Variants in RBBP4 observed in about 807,000 individuals in gnomAD.
RBBP4 encodes the protein histone-binding protein RBBP4.
In RBBP4, 3 loss-of-function variants were observed where a neutral mutation model predicts 57.2. The observed-to-expected ratio is 0.05, with a 90% confidence interval of 0.02 to 0.14. The LOEUF (loss-of-function observed/expected upper bound fraction) is 0.14, where lower values mean the gene tolerates loss of function less well. Ranked by LOEUF, RBBP4 falls within the 10% of genes least tolerant of loss-of-function variation. The pLI is 1.00. For synonymous variants in RBBP4, 151 were observed against 171.5 expected, an observed-to-expected ratio of 0.88 and a Z score of 0.93; for missense variants, 107 against 520.6, an observed-to-expected ratio of 0.21 and a Z score of 7.73.
chr1:32,661,754 A>T (rs1648420007), intron 3 of RBBP4, among the ~76,000 whole-genome samples: 1 of 147,698 alleles, frequency 6.8e-6, no homozygotes, highest in Non-Finnish European at 1.5e-5. Flanking sequence ...TGTGAGAGGC[A>T]TCTATCTGTT....
At chr1:32,676,775 A>C (rs1175445056) in intron 11 of RBBP4, among the ~76,000 whole-genome samples, 1 of 151,972 alleles carries the variant, frequency 6.6e-6, no homozygotes, top group African/African-American at 2.4e-5. Context: ...AATCCCTTCA[A>C]TATTAATACA....
intron 3 of RBBP4, chr1:32,657,773 C>T: frequency 2.0e-6 from 1 of 509,868 alleles, no homozygotes; most frequent in Non-Finnish European, 3.2e-6. Context: ...TGTACCTTCA[C>T]AATAAACTTT....
rs373176493 is a variant in RBBP4, at chr1:32,668,220, C to T, written c.311-5C>T. 1 of 1,608,128 alleles carries T rather than the reference C, an allele frequency of 6.2e-7. No homozygotes were observed. The highest frequency in any genetic ancestry group is 8.5e-7 in the Non-Finnish European group (1 of 1,176,236). On this transcript the variant is annotated splice_polypyrimidine_tract_variant and splice_region_variant and intron_variant, in intron 3 of 11. Coordinates refer to ENST00000373493, the MANE Select transcript of RBBP4 (RefSeq NM_005610.3). Reference sequence around the variant, plus strand: ...TGTCCTCATTTGCAATTAATTTATTCACAGAATTTGGAGGTTTTGGTTCAG... The same window carrying T: ...TGTCCTCATTTGCAATTAATTTATTTACAGAATTTGGAGGTTTTGGTTCAG...
At chr1:32,651,554 C>T (rs1647655742) in intron 1 of RBBP4, 1 of 1,135,696 alleles carries the variant, frequency 8.8e-7, no homozygotes, top group South Asian at 2.5e-5. Flanking sequence ...GTGTTTGTTT[C>T]TCTTCCTGCC....
rs1649326327 is a variant in RBBP4, at chr1:32,680,064, A to C, written c.*359A>C. The C allele has an allele frequency of 9.3e-7, 1 of 1,076,444 alleles. No individual in the cohort carries two copies. Among genetic ancestry groups the C allele is most frequent in the Non-Finnish European group, 1.1e-6 (1 of 890,180 alleles). 66.7% of individuals were successfully genotyped at this position (1,076,444 alleles called of 1,614,324 possible). ...AGTGAGTAAGGAATAGAGCCAAATG[A>C]GGTAGGTGTCTGAGCCATGAAGTAT... On this transcript the variant is annotated 3_prime_UTR_variant, in exon 12 of 12. Coordinates refer to ENST00000373493, the MANE Select transcript of RBBP4 (RefSeq NM_005610.3).
chr1:32,663,996 G>T lies in RBBP4; in HGVS notation c.311-4229G>T, dbSNP rs1033653081. ...GGCTGGTATGCAGTGGCGCGATCTC[G>T]GCCCACTGCAAGCTCCGCCTCCTGG... is the stretch of plus-strand genomic sequence containing the variant. On this transcript the variant is annotated intron_variant, in intron 3 of 11. Transcript: ENST00000373493. Among the ~76,000 whole-genome samples the T allele has an allele frequency of 2.7e-5, 4 of 146,594 alleles. No individual in the cohort carries two copies. The South Asian group carries it at 8.7e-4, about 32-fold the overall frequency.
intron 3 of RBBP4, chr1:32,662,254 C>A: frequency 3.1e-6 from 1 of 317,964 alleles, no homozygotes; most frequent in Non-Finnish European, 6.7e-6. Flanking sequence ...AGGCTGAGTG[C>A]AGTGGTGCGA....
Position 32,681,929 on chromosome 1 carries a change from GA to G in RBBP4, c.*2226del. 7.2e-7 allele frequency: 1 copy of G among 1,396,392 alleles called. No homozygotes were observed. The highest frequency in any genetic ancestry group is 1.2e-5 in the South Asian group (1 of 86,152). 86.5% of individuals were successfully genotyped at this position (1,396,392 alleles called of 1,614,324 possible). A position where few individuals can be genotyped will look rare whatever the true frequency, so the allele number is the denominator to read the frequency against. On this transcript the variant is annotated 3_prime_UTR_variant, in exon 12 of 12. Transcript: ENST00000373493. ...GTTTAGTTACTGCAGGCTTTGTTGA[GA>G]AGAGATTGTTACAGTGTGATTTATG...
chr1:32,656,859 A>G (rs896881162), intron 2 of RBBP4, among the ~76,000 whole-genome samples: 3 of 152,180 alleles, frequency 2.0e-5, no homozygotes, highest in African/African-American at 7.2e-5. Context: ...TTTAGTAAGC[A>G]AAATTATTAG....
Position 32,651,285 on chromosome 1 carries a change from TC to T in RBBP4, c.-17del, listed in dbSNP as rs1417482918. On this transcript the variant is annotated 5_prime_UTR_variant, in exon 1 of 12. Coordinates refer to ENST00000373493, the MANE Select transcript of RBBP4 (RefSeq NM_005610.3). ...CTCCCGCAACGCTCGACCCCAGGAT[TC>T]CCCCGGCTCGCCTGCCCGCCATGGC... The T allele has an allele frequency of 6.7e-7, 1 of 1,485,832 alleles. No individual in the cohort carries two copies. The highest frequency in any genetic ancestry group is 8.9e-7 in the Non-Finnish European group (1 of 1,118,658). 92.0% of individuals were successfully genotyped at this position (1,485,832 alleles called of 1,614,324 possible). A position where few individuals can be genotyped will look rare whatever the true frequency, so the allele number is the denominator to read the frequency against.
Position 32,681,913 on chromosome 1 carries a change from C to T in RBBP4, c.*2208C>T. ...ACAGTGAACTTCTGAGGTTTAGTTA[C>T]TGCAGGCTTTGTTGAGAAGAGATTG... On this transcript the variant is annotated 3_prime_UTR_variant, in exon 12 of 12. Coordinates refer to ENST00000373493, the MANE Select transcript of RBBP4 (RefSeq NM_005610.3). 2 of 1,500,490 alleles carry T rather than the reference C, an allele frequency of 1.3e-6. No individual in the cohort carries two copies. Among genetic ancestry groups the T allele is most frequent in the Non-Finnish European group, 1.9e-6 (2 of 1,077,166 alleles). 92.9% of individuals were successfully genotyped at this position (1,500,490 alleles called of 1,614,324 possible).
At chr1:32,677,521 C>A (rs1340152153) in intron 11 of RBBP4, among the ~76,000 whole-genome samples, 1 of 151,260 alleles carries the variant, frequency 6.6e-6, no homozygotes, top group Non-Finnish European at 1.5e-5. Flanking sequence ...TAGTAAAAAG[C>A]TTTCTTGGGT....
chr1:32,655,408 G>A (rs1275081383), intron 2 of RBBP4, among the ~76,000 whole-genome samples: 2 of 152,112 alleles, frequency 1.3e-5, no homozygotes, highest in East Asian at 1.9e-4. Flanking sequence ...GAAAAACCAC[G>A]GTTGTAGTTC....
chr1:32,684,351 C>T lies in RBBP4; in HGVS notation c.*4646C>T, dbSNP rs767422094. Reference sequence around the variant, plus strand: ...GAGTTGCACCCCATTTCTTAACTGCCTCTGGCGTTCTTCCATTTCCTCCAG... The same window carrying T: ...GAGTTGCACCCCATTTCTTAACTGCTTCTGGCGTTCTTCCATTTCCTCCAG... On this transcript the variant is annotated 3_prime_UTR_variant, in exon 12 of 12. Transcript: ENST00000373493. 3 of 1,614,168 alleles carry T rather than the reference C, an allele frequency of 1.9e-6. No homozygotes were observed. The highest frequency in any genetic ancestry group is 2.5e-6 in the Non-Finnish European group (3 of 1,180,034).
intron 11 of RBBP4, 111 bp downstream of exon 11, chr1:32,673,012 GGT>G: frequency 1.1e-6 from 1 of 872,916 alleles, no homozygotes; most frequent in Non-Finnish European, 1.8e-6. Context: ...TTTACTCCCA[GGT>G]GTGATTTTAA....
At position 32,684,493 on chromosome 1, in the gene RBBP4, A is replaced by G; in HGVS notation, c.*4788A>G. On this transcript the variant is annotated 3_prime_UTR_variant, in exon 12 of 12. Transcript: ENST00000373493. ...TTCATTGTTTAATCTTGATAGCAGT[A>G]TTGAGGCTGGTATTTATATGATAGG... The G allele has an allele frequency of 2.0e-6, 3 of 1,473,142 alleles. No homozygotes were observed. The highest frequency in any genetic ancestry group is 1.3e-5 in the South Asian group (1 of 78,938). The allele number at this position is 1,473,142 out of a possible 1,614,324, so 91.3% of individuals were successfully genotyped here.
At chr1:32,655,677 ATGT>A (rs1355228569) in intron 2 of RBBP4, among the ~76,000 whole-genome samples, 6 of 152,106 alleles carry the variant, frequency 3.9e-5, no homozygotes, top group Non-Finnish European at 5.9e-5. Context: ...CCAGTTTGAC[ATGT>A]TGTAAATGGA....
intron 3 of RBBP4, among the ~76,000 whole-genome samples, chr1:32,662,628 C>T (rs1343091453): frequency 6.6e-5 from 10 of 151,990 alleles, no homozygotes; most frequent in East Asian, 5.8e-4. Context: ...CCTGCCTCAG[C>T]CTCCCAAAGT....
Position 32,684,613 on chromosome 1 carries a change from G to T in RBBP4, c.*4908G>T. ...AAAGGCATCTTGTCTGTTAACCACA[G>T]CTTGCTTTAATAGAATCCTGGGAGG... is the stretch of plus-strand genomic sequence containing the variant. On this transcript the variant is annotated 3_prime_UTR_variant, in exon 12 of 12. Coordinates refer to ENST00000373493, the MANE Select transcript of RBBP4 (RefSeq NM_005610.3). The T allele has an allele frequency of 1.9e-6, 1 of 535,582 alleles. No individual in the cohort carries two copies. The highest frequency in any genetic ancestry group is 3.2e-6 in the Non-Finnish European group (1 of 309,526). 33.2% of individuals were successfully genotyped at this position (535,582 alleles called of 1,614,324 possible).
Sources: allele counts gnomAD v4.1 joint callset (sites outside exome capture counted in the v4.1 genomes callset), GRCh38; gene constraint gnomAD v4.1.1; transcripts MANE v1.5; gene names NCBI Gene and HGNC (gene_info 2026-07-23, HGNC 2026-07-21).